Variants in STK32C observed in about 807,000 individuals in gnomAD.
STK32C encodes the protein serine/threonine-protein kinase 32C.
STK32C carries 31 observed loss-of-function variants against 56.5 expected under a neutral mutation model. The ratio of observed to expected loss-of-function variants is 0.55; its 90% CI spans 0.41 to 0.74. The LOEUF is 0.74. Among genes scored for constraint, STK32C ranks in the 30% least tolerant of loss-of-function variants. STK32C has a pLI of 0.00. For missense variants in STK32C, 544 were observed against 676.9 expected (o/e 0.80, Z 2.18); for synonymous variants, 309 against 289.4 (o/e 1.07, Z -0.69).
intron 1 of STK32C, among the ~76,000 whole-genome samples, chr10:132,274,849 C>G (rs2064950090): frequency 6.6e-6 from 1 of 152,226 alleles, no homozygotes; most frequent in African/African-American, 2.4e-5. Flanking sequence ...CACCCAGGGA[C>G]GTGGCAAGGC....
chr10:132,288,096 T>C (rs2065461735), intron 1 of STK32C, among the ~76,000 whole-genome samples: 1 of 151,286 alleles, frequency 6.6e-6, no homozygotes. Context: ...GGTAATACAA[T>C]GAGGAAAGGG....
chr10:132,330,027 G>A (rs1590535547), intron 1 of STK32C, among the ~76,000 whole-genome samples: 2 of 152,328 alleles, frequency 1.3e-5, no homozygotes, highest in East Asian at 1.9e-4. Flanking sequence ...GACTCAACAA[G>A]GAACGCGGCA....
intron 1 of STK32C, among the ~76,000 whole-genome samples, chr10:132,254,875 C>T (rs1003997504): frequency 3.3e-5 from 5 of 152,150 alleles, no homozygotes; most frequent in African/African-American, 1.2e-4. Flanking sequence ...TCTTTGGAGG[C>T]CCGGGAAGTG....
intron 5 of STK32C, 48 bp from the exon 6 acceptor site, chr10:132,225,664 T>A (rs769689233): frequency 3.2e-5 from 51 of 1,608,986 alleles, no homozygotes; most frequent in Non-Finnish European, 4.3e-5. Context: ...CAGAGATGCA[T>A]CCTTGCGTGC....
chr10:132,227,617 G>GTGGTGATGGTGA (rs60944917), intron 3 of STK32C, among the ~76,000 whole-genome samples: 7 of 151,402 alleles, frequency 4.6e-5, no homozygotes, highest in East Asian at 2.0e-4. Flanking sequence ...GGCGATGATG[G>GTGGTGATGGTGA]TGGTGATGGT....
chr10:132,225,375 T>C lies in STK32C; in HGVS notation c.773-39A>G, dbSNP rs951939255. On this transcript the variant is annotated intron_variant, in intron 6 of 11. Transcript: ENST00000298630. ...AGAAGGAAAAACAGCTGCCACGGGG[T>C]CACAGCCCGGACCCGTGGGCACAGG... The C allele has an allele frequency of 5.7e-6, 9 of 1,590,500 alleles. No individual in the cohort carries two copies. In the Admixed American group the frequency reaches 1.4e-4, roughly 25 times the overall value.
At position 132,307,350 on chromosome 10, in the gene STK32C, G is replaced by A. The variant is rs986396844; in HGVS notation, c.262+222C>T. 1.6e-5 allele frequency: 7 copies of A among 438,406 alleles called. No individual in the cohort carries two copies. The Admixed American group carries it at 2.0e-4, about 12-fold the overall frequency. 27.2% of individuals were successfully genotyped at this position (438,406 alleles called of 1,614,324 possible). A position where few individuals can be genotyped will look rare whatever the true frequency, so the allele number is the denominator to read the frequency against. On this transcript the variant is annotated intron_variant, in intron 1 of 11. Coordinates refer to ENST00000298630, the MANE Select transcript of STK32C (RefSeq NM_173575.4). The surrounding 1 kb of genome is among the most constrained non-coding windows in gnomAD (Gnocchi z 4.4). ...CCCTCGCCCCGAGGGCCCGGGCCCA[G>A]CCTGCTCCTCCTGCGGCGCCGCCAC...
intron 1 of STK32C, among the ~76,000 whole-genome samples, chr10:132,296,060 T>A (rs2065736503): frequency 6.7e-6 from 1 of 148,778 alleles, no homozygotes; most frequent in South Asian, 2.2e-4. Flanking sequence ...AGGGCCAGCA[T>A]CGGCAGGAAG....
At chr10:132,260,050 C>T (rs540004014) in intron 1 of STK32C, among the ~76,000 whole-genome samples, 5 of 150,450 alleles carry the variant, frequency 3.3e-5, no homozygotes, top group Admixed American at 2.0e-4. Flanking sequence ...CAAATGCACG[C>T]TGTGTAAAGT....
upstream of STK32C, among the ~76,000 whole-genome samples, chr10:132,308,854 G>T (rs2066164960): frequency 6.6e-6 from 1 of 152,220 alleles, no homozygotes; most frequent in Non-Finnish European, 1.5e-5. Context: ...GGAAAGTGCT[G>T]GGCGCCTTGG....
rs749254550 is a variant in STK32C at position 132,296,093 on chromosome 10, C to T, written c.262+11479G>A. Among the ~76,000 whole-genome samples the T allele has an allele frequency of 2.8e-4, 42 of 147,666 alleles. No homozygotes were observed. In the Middle Eastern group the frequency reaches 0.01, roughly 36 times the overall value. On this transcript the variant is annotated intron_variant, in intron 1 of 11. Coordinates refer to ENST00000298630, the MANE Select transcript of STK32C (RefSeq NM_173575.4). The stretch of plus-strand genomic sequence containing the variant: ...AAGGTGTGTGGACAGCGTGTAATCT[C>T]GTATGACATCATGAGAATGGCATTT...
chr10:132,253,492 G>C (rs2063985330), intron 1 of STK32C, among the ~76,000 whole-genome samples: 2 of 107,966 alleles, frequency 1.9e-5, no homozygotes, highest in Admixed American at 1.7e-4. Context: ...GGGAGCTGGA[G>C]GGAGTCGAGG....
intron 10 of STK32C, among the ~76,000 whole-genome samples, chr10:132,218,350 A>G (rs993344397): frequency 2.0e-5 from 3 of 152,326 alleles, no homozygotes; most frequent in Non-Finnish European, 1.5e-5. Flanking sequence ...AAATATGCCA[A>G]TTAAAATATA....
intron 1 of STK32C, among the ~76,000 whole-genome samples, chr10:132,294,356 C>T (rs192675064): frequency 1.1e-4 from 17 of 152,140 alleles, no homozygotes; most frequent in Non-Finnish European, 2.1e-4. Context: ...GGGAGGGGCC[C>T]GCCCCAAGGC....
At chr10:132,254,038 G>A (rs545041059) in intron 1 of STK32C, among the ~76,000 whole-genome samples, 6 of 152,246 alleles carry the variant, frequency 3.9e-5, no homozygotes, top group South Asian at 2.1e-4. Context: ...GGCAGGGCGC[G>A]GTGGCTCATG....
At chr10:132,257,597 G>A (rs2064166667) in intron 1 of STK32C, among the ~76,000 whole-genome samples, 1 of 151,994 alleles carries the variant, frequency 6.6e-6, no homozygotes, top group Non-Finnish European at 1.5e-5. Context: ...CATCACCCCT[G>A]TCCACCCCAT....
intron 2 of STK32C, among the ~76,000 whole-genome samples, chr10:132,234,859 G>A (rs1172412121): frequency 2.6e-5 from 4 of 152,220 alleles, no homozygotes; most frequent in Admixed American, 6.5e-5. Flanking sequence ...GGACACTTGT[G>A]CAGTATGCCC....
exon 2 of STK32C, chr10:132,324,368 G>C (rs774094533): frequency 1.5e-5 from 12 of 778,040 alleles, no homozygotes; most frequent in Non-Finnish European, 2.9e-5. Context: ...TGTGCTCTCA[G>C]AAGACCTATA....
intron 1 of STK32C, 21 bp from the exon 2 acceptor site, chr10:132,245,976 A>T: frequency 6.2e-7 from 1 of 1,613,002 alleles, no homozygotes; most frequent in South Asian, 1.1e-5. Context: ...AAACAGAGGG[A>T]CACCTGGTGA....
Sources: gnomAD v4.1 joint callset for allele counts (sites outside exome capture counted in the v4.1 genomes callset) on GRCh38, gnomAD v4.1.1 for gene constraint, Gnocchi (gnomAD v3.1) non-coding constraint, MANE v1.5 for transcripts, NCBI Gene and HGNC (gene_info 2026-07-23, HGNC 2026-07-21) for gene names.